BLTP2: variants seen among roughly 807,000 people sequenced by gnomAD.
The protein encoded by BLTP2 is bridge-like lipid transfer protein family member 2, also known as U937-associated antigen.
chr17:28,614,834 G>A, the BLTP2 span: 181 of 439,296 alleles, frequency 4.1e-4, 1 homozygote, highest in Non-Finnish European at 6.7e-4. Flanking sequence ...CATTCCCTGG[G>A]TCTTGCTCTC....
At chr17:28,615,543 C>A in the BLTP2 span, 1 of 1,277,536 alleles carries the variant, frequency 7.8e-7, no homozygotes, top group South Asian at 1.4e-5. Context: ...AAGCCACTCA[C>A]TTCATGCACC....
chr17:28,639,886 C>T, the BLTP2 span: 1 of 1,614,038 alleles, frequency 6.2e-7, no homozygotes, highest in Non-Finnish European at 8.5e-7. Context: ...AGTACCAGTA[C>T]CCCGACCCAT....
At chr17:28,619,574 G>T in the BLTP2 span, 1 of 1,570,908 alleles carries the variant, frequency 6.4e-7, no homozygotes, top group Non-Finnish European at 8.7e-7. Flanking sequence ...TAGACCTAAA[G>T]ACAGTCAAAA....
chr17:28,621,015 T>C, the BLTP2 span: 4 of 1,614,084 alleles, frequency 2.5e-6, no homozygotes, highest in Non-Finnish European at 3.4e-6. Flanking sequence ...AGATCTTCCT[T>C]TTCCTGGTTC....
the BLTP2 span, chr17:28,645,088 GC>G: frequency 6.4e-7 from 1 of 1,551,606 alleles, no homozygotes; most frequent in Non-Finnish European, 8.7e-7. Context: ...CTTGGCCCCG[GC>G]CCCCGCCATG....
At chr17:28,620,751 T>C in the BLTP2 span, 1 of 1,150,206 alleles carries the variant, frequency 8.7e-7, no homozygotes, top group Non-Finnish European at 1.3e-6. Flanking sequence ...TGAGAGTTGC[T>C]CATGGGCAGA....
At chr17:28,617,234 T>C in the BLTP2 span, 1 of 1,613,426 alleles carries the variant, frequency 6.2e-7, no homozygotes, top group African/African-American at 1.3e-5. Flanking sequence ...AGACTTGCCT[T>C]ATAGACAGCA....
At chr17:28,635,081 G>A in the BLTP2 span, 3 of 1,613,260 alleles carry the variant, frequency 1.9e-6, no homozygotes, top group Admixed American at 1.7e-5. Context: ...TCTAGAGTTC[G>A]AGAAAAGTCA....
At chr17:28,644,070 G>C in the BLTP2 span, 1 of 1,614,166 alleles carries the variant, frequency 6.2e-7, no homozygotes, top group Non-Finnish European at 8.5e-7. Flanking sequence ...CTGTTTGCTG[G>C]TGTTGCTGAA....
the BLTP2 span, chr17:28,623,691 T>C: frequency 7.6e-7 from 1 of 1,323,822 alleles, no homozygotes; most frequent in Admixed American, 1.7e-5. Context: ...CTGTCAAGAA[T>C]CTTCCAGCCA....
At chr17:28,634,201 G>T in the BLTP2 span, 1 of 940,540 alleles carries the variant, frequency 1.1e-6, no homozygotes, top group Non-Finnish European at 1.6e-6. Flanking sequence ...TCAATTGAGA[G>T]AACAAGGGCA....
chr17:28,625,890 G>A, the BLTP2 span, among the ~76,000 whole-genome samples: 1 of 152,066 alleles, frequency 6.6e-6, no homozygotes, highest in South Asian at 2.1e-4. Context: ...TCAGCCTCCC[G>A]AGTAGCTGGG....
the BLTP2 span, among the ~76,000 whole-genome samples, chr17:28,644,497 A>C: frequency 6.6e-6 from 1 of 152,236 alleles, no homozygotes; most frequent in South Asian, 2.1e-4. Context: ...GTCAAAGCGG[A>C]GGCGGCTCTG....
the BLTP2 span, chr17:28,621,414 C>A: frequency 6.2e-7 from 1 of 1,613,864 alleles, no homozygotes; most frequent in East Asian, 2.2e-5. Flanking sequence ...GTTGTGGTAA[C>A]CATGCCGCCC....
chr17:28,633,621 C>A, the BLTP2 span: 16 of 1,613,988 alleles, frequency 9.9e-6, no homozygotes, highest in Non-Finnish European at 1.4e-5. Flanking sequence ...GAAGACGGCT[C>A]TTGTCCCACC....
At chr17:28,644,164 G>A in the BLTP2 span, 2 of 1,613,754 alleles carry the variant, frequency 1.2e-6, no homozygotes, top group Non-Finnish European at 1.7e-6. Context: ...ACACCACTTG[G>A]TGGCCAACCG....
the BLTP2 span, chr17:28,638,776 A>C: frequency 3.2e-6 from 2 of 621,610 alleles, no homozygotes; most frequent in Non-Finnish European, 5.7e-6. Context: ...AGACACACCT[A>C]GAAGATAAAA....
At chr17:28,624,117 G>T in the BLTP2 span, 1 of 1,406,556 alleles carries the variant, frequency 7.1e-7, no homozygotes, top group South Asian at 1.3e-5. Context: ...TGATACCTAT[G>T]AGAAGGCCAA....
the BLTP2 span, among the ~76,000 whole-genome samples, chr17:28,631,234 C>T: frequency 6.6e-6 from 1 of 152,148 alleles, no homozygotes; most frequent in South Asian, 2.1e-4. Context: ...CACACTTGTG[C>T]TCTCTCTCCC....
Sources: gnomAD v4.1 joint callset for allele counts (sites outside exome capture counted in the v4.1 genomes callset) on GRCh38, gnomAD v4.1.1 for gene constraint, MANE v1.5 for transcripts, NCBI Gene and HGNC (gene_info 2026-07-23, HGNC 2026-07-21) for gene names.